Variants in COL6A6 observed in about 807,000 individuals in gnomAD.
COL6A6 encodes the protein collagen type VI alpha 6 chain, also known as collagen alpha-6(VI) chain.
COL6A6 carries 183 observed loss-of-function variants against 208.6 expected under a neutral mutation model. The ratio of observed to expected loss-of-function variants is 0.88; its 90% CI spans 0.78 to 0.99. The LOEUF is 0.99. Ranked by LOEUF, COL6A6 falls within the 50% of genes least tolerant of loss-of-function variation. The pLI is 0.00. For missense variants in COL6A6, 2,816 were observed against 2,815.2 expected (o/e 1.00, Z -0.01); for synonymous variants, 973 against 1,011.8 (o/e 0.96, Z 0.73).
intron 8 of COL6A6, among the ~76,000 whole-genome samples, chr3:130,576,229 A>G (rs1347259358): frequency 6.6e-6 from 1 of 152,096 alleles, no homozygotes; most frequent in Non-Finnish European, 1.5e-5. Context: ...TTATCTCCAG[A>G]TTATCTCTGA....
intron 10 of COL6A6, among the ~76,000 whole-genome samples, chr3:130,583,771 TG>T (rs1455885735): frequency 2.0e-5 from 3 of 152,190 alleles, no homozygotes; most frequent in African/African-American, 7.2e-5. Flanking sequence ...TTTTTGGTTT[TG>T]TTTTTTTCTT....
At chr3:130,570,756 A>T in intron 6 of COL6A6, 62 bp from the exon 7 acceptor site, 1 of 1,261,028 alleles carries the variant, frequency 7.9e-7, no homozygotes, top group Non-Finnish European at 1.1e-6. Flanking sequence ...AAAAAGGTTG[A>T]GGCGTCTCCC....
chr3:130,558,160 G>T (rs955898043), intron 1 of COL6A6, among the ~76,000 whole-genome samples: 1 of 152,166 alleles, frequency 6.6e-6, no homozygotes, highest in Non-Finnish European at 1.5e-5. Context: ...GGTTATGTTT[G>T]TTTATAATGT....
chr3:130,661,858 C>G lies in COL6A6; in HGVS notation c.6052C>G (p.Pro2018Ala). The G allele has an allele frequency of 6.2e-7, 1 of 1,613,916 alleles. No homozygotes were observed. The highest frequency in any genetic ancestry group is 8.5e-7 in the Non-Finnish European group (1 of 1,179,862). Residue 2018 changes from proline to alanine, a missense_variant, in exon 35 of 37, where the codon CCC (proline) becomes GCC (alanine). Physicochemically the swap from Pro to Ala is conservative, Grantham distance 27. Transcript: ENST00000358511. ...DRVALLSHAPPDFLPNTQKSP... is the reference protein window; with the variant it reads ...DRVALLSHAPADFLPNTQKSP... ...GGTGGCCCTATTGAGCCATGCTCCC[C>G]CCGACTTCCTACCCAACACTCAGAA... is the stretch of plus-strand genomic sequence containing the variant.
At chr3:130,572,407 A>G (rs2063189557) in intron 7 of COL6A6, among the ~76,000 whole-genome samples, 1 of 150,250 alleles carries the variant, frequency 6.7e-6, no homozygotes, top group African/African-American at 2.5e-5. Flanking sequence ...TAAAGATACT[A>G]AATGTTTTTA....
Position 130,661,881 on chromosome 3 carries a change from G to A in COL6A6, c.6075G>A (p.Gln2025=). The change falls in exon 35 of 37, where the codon CAG becomes CAA. Residue 2025 remains glutamine, a synonymous_variant. Coordinates refer to ENST00000358511, the MANE Select transcript of COL6A6 (RefSeq NM_001102608.3). ...CCCCCGACTTCCTACCCAACACTCA[G>A]AAGAGTCCAGTTAGAGCTGAGTTCA... is the stretch of plus-strand genomic sequence containing the variant. The part of the protein sequence containing the change: ...HAPPDFLPNT[Q]KSPVRAEFNL... 2 of 1,613,938 alleles carry A rather than the reference G, an allele frequency of 1.2e-6. No individual in the cohort carries two copies. Among genetic ancestry groups the A allele is most frequent in the South Asian group, 2.2e-5 (2 of 91,072 alleles).
At chr3:130,554,885 G>A (rs1253810148) in intron 1 of COL6A6, among the ~76,000 whole-genome samples, 1 of 152,142 alleles carries the variant, frequency 6.6e-6, no homozygotes, top group African/African-American at 2.4e-5. Context: ...TGAGGGTCAG[G>A]CACAGTCGGC....
At chr3:130,568,796 A>G (rs868490253) in intron 6 of COL6A6, among the ~76,000 whole-genome samples, 192 bp downstream of exon 6, 5 of 152,220 alleles carry the variant, frequency 3.3e-5, no homozygotes, top group Non-Finnish European at 5.9e-5. Flanking sequence ...ACCCATTCCC[A>G]TTTGTAGGTA....
chr3:130,612,637 G>A (rs557750884), intron 23 of COL6A6, among the ~76,000 whole-genome samples: 7 of 152,234 alleles, frequency 4.6e-5, no homozygotes, highest in South Asian at 4.2e-4. Flanking sequence ...GACCTGTAGC[G>A]CAACACAGGG....
At chr3:130,652,710 C>T (rs1325451026) in intron 33 of COL6A6, among the ~76,000 whole-genome samples, 5 of 152,208 alleles carry the variant, frequency 3.3e-5, no homozygotes, top group Non-Finnish European at 7.3e-5. Context: ...TTCTTTTATC[C>T]ATTCTCTTCC....
At chr3:130,659,546 TTA>T (rs1175381974) in intron 34 of COL6A6, among the ~76,000 whole-genome samples, 19 of 152,248 alleles carry the variant, frequency 1.2e-4, no homozygotes, top group African/African-American at 4.6e-4. Flanking sequence ...TTTAAATGAA[TTA>T]TGTCATTCAG....
Position 130,649,227 on chromosome 3 carries a change from A to G in COL6A6, c.5398A>G (p.Ile1800Val), listed in dbSNP as rs947134115. ...RENSCPVGAH[I>V]AILSYNSHAR... ...GAACAGCTGCCCCGTGGGAGCGCAC[A>G]TCGCCATCCTCTCCTATAACTCCCA... Residue 1800 changes from isoleucine to valine, a missense_variant, in exon 33 of 37, where the codon ATC becomes GTC. Coordinates refer to ENST00000358511, the MANE Select transcript of COL6A6 (RefSeq NM_001102608.3). 2 of 1,591,448 alleles carry G rather than the reference A, an allele frequency of 1.3e-6. No individual in the cohort carries two copies. Among genetic ancestry groups the G allele is most frequent in the Admixed American group, 1.8e-5 (1 of 56,366 alleles).
intron 3 of COL6A6, 99 bp from the exon 4 acceptor site, chr3:130,564,895 A>G (rs1053872165): frequency 2.2e-5 from 30 of 1,337,200 alleles, no homozygotes; most frequent in Non-Finnish European, 2.7e-5. Flanking sequence ...CTCTAAGTGC[A>G]TAACTGAGCT....
At chr3:130,648,851 T>C (rs2065536951) in intron 32 of COL6A6, among the ~76,000 whole-genome samples, 2 of 152,232 alleles carry the variant, frequency 1.3e-5, no homozygotes, top group South Asian at 4.1e-4. Flanking sequence ...GAATTCCAGA[T>C]GTTTTCCTTT....
rs2063547642 is a variant in COL6A6 at position 130,586,589 on chromosome 3, A to G, written c.4054A>G (p.Lys1352Glu). ...TGATCTTCCCTATATTGAATTTGGG[A>G]AAGGATTTGAGTACAGGACACAGCT... ...LADLPYIEFG[K>E]GFEYRTQLSI... The change falls in exon 11 of 37, where the codon AAA becomes GAA. Residue 1352 changes from lysine to glutamate, a missense_variant. Lys to Glu is a moderately conservative substitution (Grantham distance 56). Coordinates refer to ENST00000358511, the MANE Select transcript of COL6A6 (RefSeq NM_001102608.3). The G allele has an allele frequency of 6.2e-7, 1 of 1,613,846 alleles. No individual in the cohort carries two copies. Among genetic ancestry groups the G allele is most frequent in the African/African-American group, 1.3e-5 (1 of 74,942 alleles).
intron 36 of COL6A6, among the ~76,000 whole-genome samples, chr3:130,665,861 A>G (rs1042431450): frequency 7.2e-5 from 11 of 152,210 alleles, no homozygotes; most frequent in Admixed American, 1.3e-4. Flanking sequence ...GGCTGTTTAA[A>G]TAGTCTCACA....
intron 27 of COL6A6, 34 bp from the exon 28 acceptor site, chr3:130,635,665 T>C: frequency 7.1e-7 from 1 of 1,412,276 alleles, no homozygotes; most frequent in Non-Finnish European, 9.9e-7. Flanking sequence ...ATGTTTGATT[T>C]TAATAACTAT....
chr3:130,653,761 C>G (rs2065710159), intron 33 of COL6A6, among the ~76,000 whole-genome samples: 2 of 152,042 alleles, frequency 1.3e-5, no homozygotes, highest in African/African-American at 2.4e-5. Flanking sequence ...TGAATGAACT[C>G]TAAAACTACA....
intron 23 of COL6A6, among the ~76,000 whole-genome samples, chr3:130,611,648 G>T (rs1447538437): frequency 6.6e-6 from 1 of 152,188 alleles, no homozygotes; most frequent in Admixed American, 6.5e-5. Context: ...TAACACTAGG[G>T]TAAAAGGATT....
Sources: gnomAD v4.1 joint callset for allele counts (sites outside exome capture counted in the v4.1 genomes callset) on GRCh38, gnomAD v4.1.1 for gene constraint, MANE v1.5 for transcripts, NCBI Gene and HGNC (gene_info 2026-07-23, HGNC 2026-07-21) for gene names.